Variants in ST8SIA4 observed in about 807,000 individuals in gnomAD.
The protein encoded by ST8SIA4 is CMP-N-acetylneuraminate-poly-alpha-2,8-sialyltransferase.
In ST8SIA4, 15 loss-of-function variants were observed where a neutral mutation model predicts 33.9. The observed-to-expected ratio is 0.44, with a 90% CI of 0.30 to 0.68. The LOEUF (loss-of-function observed/expected upper bound fraction) is 0.68. ST8SIA4 is among the 30% of genes least tolerant of loss of function. The probability of loss-of-function intolerance (pLI) is 0.10; values close to 1 mark genes in which losing one functional copy is unlikely to be tolerated. For synonymous variants in ST8SIA4, 171 were observed against 151.2 expected (o/e 1.13, Z -0.96); for missense variants, 321 against 428.0 (o/e 0.75, Z 2.21).
chr5:100,900,038 G>C (rs552111449), intron 1 of ST8SIA4, among the ~76,000 whole-genome samples: 5 of 152,296 alleles, frequency 3.3e-5, no homozygotes, highest in Admixed American at 1.3e-4. Context: ...TGGTGAGAAG[G>C]TTGTGCTGGT....
chr5:100,862,769 T>C (rs1561398317), intron 3 of ST8SIA4, among the ~76,000 whole-genome samples: 2 of 152,218 alleles, frequency 1.3e-5, no homozygotes, highest in Admixed American at 1.3e-4. Flanking sequence ...GTAATATATG[T>C]GATTCTCACA....
intron 3 of ST8SIA4, among the ~76,000 whole-genome samples, chr5:100,874,286 T>A (rs748601986): frequency 5.9e-5 from 9 of 152,154 alleles, no homozygotes; most frequent in Non-Finnish European, 1.3e-4. Flanking sequence ...TATCACTCTG[T>A]GGTCTCTATA....
At chr5:100,852,730 A>T (rs985237304) in intron 4 of ST8SIA4, among the ~76,000 whole-genome samples, 4 of 152,200 alleles carry the variant, frequency 2.6e-5, no homozygotes, top group African/African-American at 9.7e-5. Context: ...GAGTATCTGA[A>T]TTTTGTGACT....
At chr5:100,874,310 A>G (rs911493348) in intron 3 of ST8SIA4, among the ~76,000 whole-genome samples, 2 of 152,158 alleles carry the variant, frequency 1.3e-5, no homozygotes, top group African/African-American at 2.4e-5. Context: ...GGTAAGTTGT[A>G]AAACTCCAGG....
chr5:100,885,595 A>G lies in ST8SIA4; in HGVS notation c.503+748T>C, dbSNP rs374144711. The stretch of plus-strand genomic sequence containing the variant: ...ATATCCATGTTTCTGTCATTTAGCT[A>G]ATTTTTCTAAGGAACTAAAACAATC... On this transcript the variant is annotated intron_variant, in intron 3 of 4. Transcript: ENST00000231461. 3.2e-6 allele frequency: 3 copies of G among 932,630 alleles called. No homozygotes were observed. In the East Asian group the frequency reaches 3.5e-4, roughly 109 times the overall value. 57.8% of individuals were successfully genotyped at this position (932,630 alleles called of 1,614,324 possible).
intron 4 of ST8SIA4, among the ~76,000 whole-genome samples, chr5:100,837,972 T>TAA (rs1751396915): frequency 6.6e-6 from 1 of 152,030 alleles, no homozygotes; most frequent in African/African-American, 2.4e-5. Flanking sequence ...TTTCTGAGAG[T>TAA]GTCTGAATCA....
intron 4 of ST8SIA4, among the ~76,000 whole-genome samples, chr5:100,839,105 G>T (rs1267118671): frequency 6.6e-6 from 1 of 151,810 alleles, no homozygotes; most frequent in Non-Finnish European, 1.5e-5. Flanking sequence ...TGGAATTACA[G>T]GCATGAGCCA....
intron 3 of ST8SIA4, among the ~76,000 whole-genome samples, chr5:100,883,200 C>T (rs973528044): frequency 6.6e-6 from 1 of 151,926 alleles, no homozygotes; most frequent in Non-Finnish European, 1.5e-5. Context: ...TGGGAACCCA[C>T]CTCTTGCATC....
At chr5:100,852,441 A>AT (rs1751724674) in intron 4 of ST8SIA4, among the ~76,000 whole-genome samples, 2 of 16,684 alleles carry the variant, frequency 1.2e-4, no homozygotes, top group South Asian at 9.8e-3. Flanking sequence ...TCCATTCTTT[A>AT]TTAAAAAAAA....
chr5:100,840,718 G>A (rs1751453362), intron 4 of ST8SIA4, among the ~76,000 whole-genome samples: 1 of 151,184 alleles, frequency 6.6e-6, no homozygotes, highest in Non-Finnish European at 1.5e-5. Context: ...TCTTCCTTAG[G>A]GTCTCTTTTC....
At chr5:100,862,627 C>A (rs1026317584) in intron 3 of ST8SIA4, among the ~76,000 whole-genome samples, 31 of 152,030 alleles carry the variant, frequency 2.0e-4, no homozygotes, top group Non-Finnish European at 1.0e-4. Context: ...GTCTTAAACT[C>A]CTGTCTTCAG....
intron 4 of ST8SIA4, among the ~76,000 whole-genome samples, chr5:100,853,973 T>TTGTGTG (rs370881650): frequency 2.9e-4 from 5 of 16,996 alleles, no homozygotes; most frequent in Non-Finnish European, 1.0e-3. Flanking sequence ...TGGAATGTGT[T>TTGTGTG]TGTGTGTGTG....
chr5:100,875,926 G>C (rs1407447774), intron 3 of ST8SIA4, among the ~76,000 whole-genome samples: 2 of 152,104 alleles, frequency 1.3e-5, no homozygotes, highest in Non-Finnish European at 2.9e-5. Context: ...GTGGTATCAA[G>C]TAGTGTTTTA....
At chr5:100,812,241 T>C (rs918001910) in intron 4 of ST8SIA4, 112 bp from the exon 5 acceptor site, 6 of 781,508 alleles carry the variant, frequency 7.7e-6, no homozygotes, top group Non-Finnish European at 1.1e-5. Context: ...ATGAATAATA[T>C]TTTAAAGAAT....
At chr5:100,835,794 A>G (rs1226538572) in intron 4 of ST8SIA4, among the ~76,000 whole-genome samples, 6 of 152,172 alleles carry the variant, frequency 3.9e-5, no homozygotes. Flanking sequence ...ATATTCATTC[A>G]TTATTAATAT....
At chr5:100,882,315 T>C (rs1267096973) in intron 3 of ST8SIA4, among the ~76,000 whole-genome samples, 4 of 152,286 alleles carry the variant, frequency 2.6e-5, no homozygotes, top group Admixed American at 6.5e-5. Context: ...GCCCTAGAGA[T>C]TGGTGGAACT....
chr5:100,869,623 T>C (rs1047996390), intron 3 of ST8SIA4, among the ~76,000 whole-genome samples: 3 of 152,218 alleles, frequency 2.0e-5, no homozygotes, highest in East Asian at 3.9e-4. Context: ...TCAGTATGTT[T>C]CTCTTCTGTT....
At chr5:100,845,746 T>C (rs1751555263) in intron 4 of ST8SIA4, among the ~76,000 whole-genome samples, 1 of 152,040 alleles carries the variant, frequency 6.6e-6, no homozygotes, top group Non-Finnish European at 1.5e-5. Context: ...CCAGCTAAAA[T>C]ATTTTTAGTA....
At chr5:100,871,524 ATAT>A (rs1752197747) in intron 3 of ST8SIA4, among the ~76,000 whole-genome samples, 1 of 152,164 alleles carries the variant, frequency 6.6e-6, no homozygotes, top group East Asian at 1.9e-4. Flanking sequence ...ATTGTGTAAC[ATAT>A]TATTCAGTGT....
Sources: allele counts gnomAD v4.1 joint callset (sites outside exome capture counted in the v4.1 genomes callset), GRCh38; gene constraint gnomAD v4.1.1; transcripts MANE v1.5; gene names NCBI Gene and HGNC (gene_info 2026-07-23, HGNC 2026-07-21).